The following GPM6A variants were observed in gnomAD, a reference collection of about 807,000 sequenced individuals.
GPM6A encodes glycoprotein M6A.
In GPM6A, 7 loss-of-function variants were observed where a neutral mutation model predicts 32.1. The observed-to-expected ratio is 0.22, with a 90% CI of 0.12 to 0.41. The LOEUF is 0.41. GPM6A is among the 10% of genes least tolerant of loss of function. GPM6A has a pLI of 1.00. For missense variants in GPM6A, 235 were observed against 347.2 expected, an observed-to-expected ratio of 0.68 and a Z score of 2.57; for synonymous variants, 130 against 123.4, an observed-to-expected ratio of 1.05 and a Z score of -0.35.
chr4:175,797,533 C>T (rs906338871), intron 1 of GPM6A, among the ~76,000 whole-genome samples: 4 of 152,082 alleles, frequency 2.6e-5, no homozygotes, highest in East Asian at 1.9e-4. Flanking sequence ...TTTCAATAAC[C>T]GTAGGCCATC....
chr4:175,977,565 T>C (rs1740697823), intron 1 of GPM6A, among the ~76,000 whole-genome samples: 1 of 152,216 alleles, frequency 6.6e-6, no homozygotes, highest in African/African-American at 2.4e-5. Context: ...CATTATTTGA[T>C]ACATATCTTA....
At chr4:175,911,062 A>G (rs1241469793) in intron 1 of GPM6A, among the ~76,000 whole-genome samples, 5 of 152,054 alleles carry the variant, frequency 3.3e-5, no homozygotes, top group African/African-American at 4.8e-5. Context: ...GCCCCGATAA[A>G]CCAGGGTGGT....
At chr4:175,958,136 G>A (rs1031690159) in intron 1 of GPM6A, among the ~76,000 whole-genome samples, 5 of 152,068 alleles carry the variant, frequency 3.3e-5, no homozygotes, top group Non-Finnish European at 7.4e-5. Context: ...CAAGTGACCC[G>A]CCCACCTCAA....
intron 1 of GPM6A, among the ~76,000 whole-genome samples, chr4:175,782,024 T>C (rs1733631104): frequency 6.6e-6 from 1 of 152,136 alleles, no homozygotes; most frequent in South Asian, 2.1e-4. Flanking sequence ...TTCTCAACCA[T>C]AAAATGTAAA....
chr4:175,756,821 A>C (rs1732546285), intron 1 of GPM6A, among the ~76,000 whole-genome samples: 1 of 152,152 alleles, frequency 6.6e-6, no homozygotes, highest in African/African-American at 2.4e-5. Flanking sequence ...GGACAAGTAA[A>C]ATCAATTGCC....
chr4:175,721,761 G>T (rs1277041830), intron 1 of GPM6A, among the ~76,000 whole-genome samples: 1 of 152,070 alleles, frequency 6.6e-6, no homozygotes, highest in Non-Finnish European at 1.5e-5. Context: ...TATTCACAAG[G>T]TATATACATT....
intron 1 of GPM6A, among the ~76,000 whole-genome samples, chr4:175,890,943 C>A (rs1390528659): frequency 6.6e-6 from 1 of 152,098 alleles, no homozygotes; most frequent in Admixed American, 6.6e-5. Context: ...AAAAATGATA[C>A]ATAGCCCAAA....
chr4:175,790,718 T>C (rs1281454380), intron 1 of GPM6A, among the ~76,000 whole-genome samples: 2 of 152,220 alleles, frequency 1.3e-5, no homozygotes, highest in African/African-American at 4.8e-5. Context: ...CTTTTCGTTA[T>C]TGTTTTAAAA....
At chr4:175,816,694 T>G (rs1354897591), upstream of GPM6A, among the ~76,000 whole-genome samples, 1 of 152,196 alleles carries the variant, frequency 6.6e-6, no homozygotes, top group African/African-American at 2.4e-5. Context: ...AGAAACTGCC[T>G]TTTATTCTAC....
At chr4:175,766,667 T>G (rs1732981239) in intron 1 of GPM6A, among the ~76,000 whole-genome samples, 1 of 150,790 alleles carries the variant, frequency 6.6e-6, no homozygotes, top group South Asian at 2.1e-4. Context: ...TTTTTTTTTT[T>G]TTTTTGAGAC....
chr4:175,699,626 C>A (rs1744763379), intron 2 of GPM6A, among the ~76,000 whole-genome samples: 1 of 152,080 alleles, frequency 6.6e-6, no homozygotes, highest in Non-Finnish European at 1.5e-5. Flanking sequence ...TAATCAGTTC[C>A]ATTCTTCTAA....
At chr4:175,643,424 T>A (rs151196262) in intron 4 of GPM6A, among the ~76,000 whole-genome samples, 228 of 152,308 alleles carry the variant, frequency 1.5e-3, no homozygotes, top group African/African-American at 5.3e-3. Context: ...TTCAGACACA[T>A]TGACTTCCCT....
intron 6 of GPM6A, 69 bp downstream of exon 6, chr4:175,640,060 A>G: frequency 8.3e-7 from 1 of 1,203,780 alleles, no homozygotes; most frequent in South Asian, 1.2e-5. Context: ...GAGATAGTTT[A>G]TCATCTCTAC....
intron 1 of GPM6A, among the ~76,000 whole-genome samples, chr4:175,841,094 T>G (rs2111385262): frequency 6.6e-6 from 1 of 152,306 alleles, no homozygotes; most frequent in South Asian, 2.1e-4. Flanking sequence ...AATCTGTCTC[T>G]CTATAAAAAT....
chr4:175,644,969 C>T (rs2333249), intron 4 of GPM6A, among the ~76,000 whole-genome samples: 102,752 of 151,826 alleles, frequency 0.68, 37,104 homozygotes, highest in South Asian at 0.8. Flanking sequence ...ATTAGCCAGG[C>T]GTGGTGGTGG....
chr4:175,637,667 T>TATATATAATATATATATAATATATA (rs1740836468), intron 6 of GPM6A, among the ~76,000 whole-genome samples: 1 of 532 alleles, frequency 1.9e-3, no homozygotes, highest in African/African-American at 3.6e-3. Flanking sequence ...AAATATATAA[T>TATATATAATATATATATAATATATA]ATATATAATA....
intron 1 of GPM6A, among the ~76,000 whole-genome samples, chr4:175,703,392 A>G (rs1744989268): frequency 6.6e-6 from 1 of 152,132 alleles, no homozygotes; most frequent in African/African-American, 2.4e-5. Context: ...GGCTGATCTC[A>G]AACCTTGACC....
At chr4:175,964,129 G>A (rs2126408258) in intron 1 of GPM6A, among the ~76,000 whole-genome samples, 1 of 151,712 alleles carries the variant, frequency 6.6e-6, no homozygotes, top group Non-Finnish European at 1.5e-5. Context: ...GAAACAAAGA[G>A]CAGGGGCAAC....
chr4:175,750,146 C>A (rs1315079319), intron 1 of GPM6A, among the ~76,000 whole-genome samples: 1 of 152,096 alleles, frequency 6.6e-6, no homozygotes, highest in Admixed American at 6.5e-5. Context: ...GCAACCTCTG[C>A]CTCCCAGGTT....
Sources: gnomAD v4.1 joint callset for allele counts (sites outside exome capture counted in the v4.1 genomes callset) on GRCh38, gnomAD v4.1.1 for gene constraint, MANE v1.5 for transcripts, NCBI Gene and HGNC (gene_info 2026-07-23, HGNC 2026-07-21) for gene names.